MTMR2: variants seen among roughly 807,000 people sequenced by gnomAD.
MTMR2 encodes phosphatidylinositol-3,5-bisphosphate 3-phosphatase MTMR2.
In MTMR2, 55 loss-of-function variants were observed where a neutral mutation model predicts 86.9. That is an observed-to-expected ratio of 0.63 (90% CI 0.51 to 0.79). The LOEUF (loss-of-function observed/expected upper bound fraction) is 0.79. Ranked by LOEUF, MTMR2 falls within the 30% of genes least tolerant of loss-of-function variation. The probability of loss-of-function intolerance (pLI) is 0.00; values close to 1 mark genes in which losing one functional copy is unlikely to be tolerated. For synonymous variants in MTMR2, 241 were observed against 266.8 expected (o/e 0.90, Z 0.94); for missense variants, 659 against 772.3 (o/e 0.85, Z 1.74).
intron 1 of MTMR2, chr11:95,923,623 C>T (rs1177205627): frequency 7.4e-7 from 1 of 1,348,690 alleles, no homozygotes. Context: ...GGGACCACCT[C>T]CATCGGGGAG....
In MTMR2 at chr11:95,835,081, T is replaced by A; in HGVS notation, c.*209A>T. Reference sequence around the variant, plus strand: ...ATTCTTTGGATACTTAAAAGATTAGTATCATAATCATGTAATTACATATGG... The same window carrying A: ...ATTCTTTGGATACTTAAAAGATTAGAATCATAATCATGTAATTACATATGG... On this transcript the variant is annotated 3_prime_UTR_variant, in exon 15 of 15. Coordinates refer to ENST00000346299, the MANE Select transcript of MTMR2 (RefSeq NM_016156.6). The A allele has an allele frequency of 1.7e-6, 1 of 573,838 alleles. No individual in the cohort carries two copies. Among genetic ancestry groups the A allele is most frequent in the Non-Finnish European group, 3.1e-6 (1 of 321,306 alleles). 35.5% of individuals were successfully genotyped at this position (573,838 alleles called of 1,614,324 possible). A position where few individuals can be genotyped will look rare whatever the true frequency, so the allele number is the denominator to read the frequency against.
At chr11:95,835,477 C>A in intron 14 of MTMR2, 26 bp from the exon 15 acceptor site, 1 of 1,609,624 alleles carries the variant, frequency 6.2e-7, no homozygotes, top group South Asian at 1.1e-5. Context: ...ATAAAATATT[C>A]AACTAGGCAA....
intron 1 of MTMR2, among the ~76,000 whole-genome samples, chr11:95,905,331 GCACACACACACACACA>G (rs10552965): frequency 5.4e-5 from 8 of 148,098 alleles, no homozygotes; most frequent in South Asian, 4.4e-4. Context: ...ACGCACCTGC[GCACACACACACACACA>G]CACACACACA....
In MTMR2 at chr11:95,864,983, A is replaced by T. The variant is rs185980509; in HGVS notation, c.262+618T>A. Among the ~76,000 whole-genome samples, 3 of 152,282 alleles carry T rather than the reference A, an allele frequency of 2.0e-5. No individual in the cohort carries two copies. In the East Asian group the frequency reaches 5.8e-4, roughly 29 times the overall value. On this transcript the variant is annotated intron_variant, in intron 3 of 14. Coordinates refer to ENST00000346299, the MANE Select transcript of MTMR2 (RefSeq NM_016156.6). ...AGAGTTTATGAGTAGATATCTGTAG[A>T]TTATCACACAGATGAAACAAAACAA... is the stretch of plus-strand genomic sequence containing the variant.
At chr11:95,844,490 C>T (rs940078356) in intron 11 of MTMR2, among the ~76,000 whole-genome samples, 2 of 152,132 alleles carry the variant, frequency 1.3e-5, no homozygotes, top group African/African-American at 2.4e-5. Context: ...AGCTTCAGAA[C>T]TTGAATATGT....
chr11:95,894,213 CCTA>C (rs1261619367), intron 1 of MTMR2, among the ~76,000 whole-genome samples: 1 of 152,136 alleles, frequency 6.6e-6, no homozygotes, highest in Non-Finnish European at 1.5e-5. Flanking sequence ...TGTAGACATA[CCTA>C]CTGCTTCTTT....
chr11:95,845,668 CACAGTATAAACTTT>C lies in MTMR2; in HGVS notation c.1180-523_1180-510del, dbSNP rs1415443634. ...TTTATGTCACAGAGCATACAGCAAG[CACAGTATAAACTTT>C]AGAGTGAGCTACTTTTCTGTAACAC... On this transcript the variant is annotated intron_variant, in intron 10 of 14. Transcript: ENST00000346299. 6.0e-5 allele frequency among the ~76,000 whole-genome samples: 9 copies of C among 151,214 alleles called. 1 individual carries two copies. The highest frequency in any genetic ancestry group is 5.3e-4 in the Admixed American group (8 of 15,108).
At chr11:95,865,430 C>T in intron 3 of MTMR2, 171 bp downstream of exon 3, 1 of 689,092 alleles carries the variant, frequency 1.5e-6, no homozygotes, top group African/African-American at 1.8e-5. Context: ...AGCAGCGGGT[C>T]TAGGCTTACG....
At chr11:95,888,702 A>AACACATACACAC (rs760077047) in intron 1 of MTMR2, among the ~76,000 whole-genome samples, 1 of 144,920 alleles carries the variant, frequency 6.9e-6, no homozygotes, top group Non-Finnish European at 1.5e-5. Flanking sequence ...TCTAAATAGA[A>AACACATACACAC]ACACATACAC....
chr11:95,887,323 T>C (rs1272041199), intron 2 of MTMR2, among the ~76,000 whole-genome samples: 1 of 152,058 alleles, frequency 6.6e-6, no homozygotes, highest in Non-Finnish European at 1.5e-5. Flanking sequence ...CAAGAAGACA[T>C]ACCCTCATCA....
intron 2 of MTMR2, among the ~76,000 whole-genome samples, chr11:95,879,916 A>G (rs1460796839): frequency 1.3e-5 from 2 of 152,090 alleles, no homozygotes; most frequent in Non-Finnish European, 1.5e-5. Context: ...GTTCAAATCA[A>G]GGTATGTTTT....
intron 11 of MTMR2, 116 bp from the exon 12 acceptor site, chr11:95,841,825 G>A: frequency 1.2e-6 from 1 of 804,306 alleles, no homozygotes; most frequent in Non-Finnish European, 2.1e-6. Context: ...GTCGGGTGCT[G>A]TGGTTTACAC....
In MTMR2 at chr11:95,847,840, C is replaced by G; in HGVS notation, c.1053G>C (p.Leu351=). ...TCATAACATGAATATTGTGGATATC[C>G]AGGAAAACTAGTTCAGCATTTTGAT... ...DAYQNAELVF[L]DIHNIHVMRE... The change falls in exon 10 of 15, where the codon CTG becomes CTC. Residue 351 remains leucine (L), a synonymous_variant. Coordinates refer to ENST00000346299, the MANE Select transcript of MTMR2 (RefSeq NM_016156.6). 1 of 1,613,784 alleles carries G rather than the reference C, an allele frequency of 6.2e-7. No individual in the cohort carries two copies. The highest frequency in any genetic ancestry group is 8.5e-7 in the Non-Finnish European group (1 of 1,179,784).
At chr11:95,859,835 T>C (rs1488659888) in intron 5 of MTMR2, among the ~76,000 whole-genome samples, 1 of 152,206 alleles carries the variant, frequency 6.6e-6, no homozygotes, top group Admixed American at 6.5e-5. Flanking sequence ...TAAGACAGTA[T>C]ATGATCCAAA....
intron 2 of MTMR2, among the ~76,000 whole-genome samples, chr11:95,880,247 TAGG>T (rs1250623861): frequency 6.6e-6 from 1 of 152,070 alleles, no homozygotes; most frequent in Non-Finnish European, 1.5e-5. Flanking sequence ...TCGTGTGTTT[TAGG>T]AGGAGCTTGT....
rs367839673 is a variant in MTMR2, at chr11:95,888,195, G to T, written c.147C>A (p.Ser49=). 1 of 1,613,402 alleles carries T rather than the reference G, an allele frequency of 6.2e-7. No homozygotes were observed. The highest frequency in any genetic ancestry group is 2.2e-5 in the East Asian group (1 of 44,816). ...TKSASVVSSD[S]ISTSADNFSP... The stretch of plus-strand genomic sequence containing the variant: ...AAAAGTTGTCGGCAGAAGTTGAAAT[G>T]GAATCTGATGATACAACAGAAGCTG... The change falls in exon 2 of 15, where the codon TCC becomes TCA. Residue 49 remains serine (S), a synonymous_variant. Transcript: ENST00000346299.
At chr11:95,920,506 G>A (rs1029031298) in intron 1 of MTMR2, among the ~76,000 whole-genome samples, 1 of 147,636 alleles carries the variant, frequency 6.8e-6, no homozygotes, top group South Asian at 2.1e-4. Context: ...TTTTAAAGAT[G>A]CAGGATGACA....
At chr11:95,865,453 A>G (rs555798229) in intron 3 of MTMR2, 148 bp downstream of exon 3, 12 of 792,318 alleles carry the variant, frequency 1.5e-5, no homozygotes, top group Admixed American at 5.5e-5. Context: ...TGTAGAACAC[A>G]CTAAGATGCT....
intron 3 of MTMR2, among the ~76,000 whole-genome samples, chr11:95,864,285 G>C (rs1225599311): frequency 1.3e-5 from 2 of 152,082 alleles, no homozygotes; most frequent in African/African-American, 4.8e-5. Context: ...AGGGAAAAGG[G>C]AAATGGGTCA....
Sources: gnomAD v4.1 joint callset for allele counts (sites outside exome capture counted in the v4.1 genomes callset) on GRCh38, gnomAD v4.1.1 for gene constraint, MANE v1.5 for transcripts, NCBI Gene and HGNC (gene_info 2026-07-23, HGNC 2026-07-21) for gene names.